The following TMEM120B variants were observed in gnomAD, a reference collection of about 807,000 sequenced individuals.
The protein encoded by TMEM120B is transmembrane protein 120B.
A neutral mutation model predicts 55.5 loss-of-function variants in TMEM120B; 31 were observed. The observed-to-expected ratio is 0.56, with a 90% confidence interval of 0.42 to 0.75. The LOEUF is 0.75. TMEM120B is among the 30% of genes least tolerant of loss of function. The probability of loss-of-function intolerance (pLI) is 0.00; values close to 1 mark genes in which losing one functional copy is unlikely to be tolerated. For synonymous variants in TMEM120B, 203 were observed against 176.3 expected (o/e 1.15, Z -1.20); for missense variants, 399 against 425.5 (o/e 0.94, Z 0.55).
At chr12:121,721,804 C>CTTTTTTTTTTTTTTTTT (rs56702857) in intron 1 of TMEM120B, among the ~76,000 whole-genome samples, 1 of 91,878 alleles carries the variant, frequency 1.1e-5, no homozygotes, top group Non-Finnish European at 2.0e-5. Context: ...ATCAGTTCTA[C>CTTTTTTTTTTTTTTTTT]TTTTTTTTTT....
chr12:121,735,403 AT>A (rs201578509), intron 1 of TMEM120B, among the ~76,000 whole-genome samples: 25,150 of 145,652 alleles, frequency 0.17, 2,117 homozygotes, highest in African/African-American at 0.19. Context: ...ATATTACCAG[AT>A]TTTTTTTTTT....
chr12:121,755,995 T>C (rs1460885355), intron 5 of TMEM120B, among the ~76,000 whole-genome samples: 1 of 151,776 alleles, frequency 6.6e-6, no homozygotes, highest in Non-Finnish European at 1.5e-5. Flanking sequence ...CCGACAGGGA[T>C]GTGGTAAGTG....
intron 1 of TMEM120B, among the ~76,000 whole-genome samples, chr12:121,731,180 A>G (rs1375432446): frequency 2.6e-5 from 4 of 152,188 alleles, no homozygotes; most frequent in African/African-American, 9.6e-5. Flanking sequence ...GTGTCTGTCA[A>G]AGACAGTGGT....
At chr12:121,759,720 G>A (rs538375911) in intron 5 of TMEM120B, among the ~76,000 whole-genome samples, 1 of 152,082 alleles carries the variant, frequency 6.6e-6, no homozygotes, top group African/African-American at 2.4e-5. Context: ...AAGCCACTGG[G>A]CGCAGTGGCT....
At chr12:121,756,318 C>T (rs189846914) in intron 5 of TMEM120B, among the ~76,000 whole-genome samples, 11 of 152,102 alleles carry the variant, frequency 7.2e-5, no homozygotes, top group African/African-American at 2.2e-4. Flanking sequence ...GGCAACATGG[C>T]GAAACCCCCT....
rs147173274 is a variant in TMEM120B at position 121,763,256 on chromosome 12, G to A, written c.551+1518G>A. 3.9e-3 allele frequency among the ~76,000 whole-genome samples: 556 copies of A among 143,768 alleles called. 7 individuals carry two copies. Among genetic ancestry groups the A allele is most frequent in the African/African-American group, 0.014 (529 of 38,126 alleles). 94.3% of individuals were successfully genotyped at this position (143,768 alleles called of 152,430 possible). On this transcript the variant is annotated intron_variant, in intron 6 of 11. Transcript: ENST00000449592. ...CGGCTCACTGCAACCTCCGCCTCCC[G>A]GGTTCACGCCATTCTCCTGCCTCAG...
intron 1 of TMEM120B, among the ~76,000 whole-genome samples, chr12:121,736,972 G>T (rs1895128927): frequency 6.6e-6 from 1 of 152,128 alleles, no homozygotes; most frequent in African/African-American, 2.4e-5. Flanking sequence ...TAGCATGGTT[G>T]CCTCAGGATA....
intron 1 of TMEM120B, among the ~76,000 whole-genome samples, chr12:121,727,963 A>T (rs1156814969): frequency 6.6e-6 from 1 of 151,952 alleles, no homozygotes. Flanking sequence ...TTTGCTCAGA[A>T]GGAAAGTTCT....
Position 121,750,444 on chromosome 12 carries a change from G to A in TMEM120B, c.365+5G>A, listed in dbSNP as rs772349036. Reference sequence around the variant, plus strand: ...CCTCCTCAGCAACCAGGCCAAGTAAGTGTCCCCCACCCACCACCCAGACCC... The same window carrying A: ...CCTCCTCAGCAACCAGGCCAAGTAAATGTCCCCCACCCACCACCCAGACCC... On this transcript the variant is annotated splice_donor_5th_base_variant and intron_variant, in intron 4 of 11. Coordinates refer to ENST00000449592, the MANE Select transcript of TMEM120B (RefSeq NM_001080825.2). The A allele has an allele frequency of 7.5e-6, 12 of 1,610,310 alleles. No individual in the cohort carries two copies. The East Asian group carries it at 2.5e-4, about 33-fold the overall frequency.
intron 1 of TMEM120B, among the ~76,000 whole-genome samples, chr12:121,727,482 G>T (rs919157053): frequency 6.7e-6 from 1 of 149,678 alleles, no homozygotes; most frequent in Admixed American, 6.8e-5. Flanking sequence ...GCTGTGGTGA[G>T]CTGTGATTGC....
At chr12:121,752,093 A>G in intron 4 of TMEM120B, 35 bp from the exon 5 acceptor site, 1 of 1,584,272 alleles carries the variant, frequency 6.3e-7, no homozygotes, top group South Asian at 1.1e-5. Flanking sequence ...TAGTCATGGT[A>G]AGGGGCACAC....
Position 121,780,687 on chromosome 12 carries a change from A to C in TMEM120B, c.*4965A>C. The C allele has an allele frequency of 1.5e-6, 1 of 665,972 alleles. No homozygotes were observed. The highest frequency in any genetic ancestry group is 2.5e-6 in the Non-Finnish European group (1 of 400,070). The allele number at this position is 665,972 out of a possible 1,614,324, so 41.3% of individuals were successfully genotyped here. A position where few individuals can be genotyped will look rare whatever the true frequency, so the allele number is the denominator to read the frequency against. ...CAGCGCCTGCCTCCGAGTCCTAAGGATTGGGAGTAGTCGTGTAAAGTGCTC... is the reference window on the plus strand; with the variant it reads ...CAGCGCCTGCCTCCGAGTCCTAAGGCTTGGGAGTAGTCGTGTAAAGTGCTC... On this transcript the variant is annotated 3_prime_UTR_variant, in exon 12 of 12. Transcript: ENST00000449592.
In TMEM120B at chr12:121,736,693, GCATGCACCAC is replaced by G. The variant is rs569977870; in HGVS notation, c.70-6933_70-6924del. ...GCCTCTGGAGTAGCTGGGATTATAG[GCATGCACCAC>G]CACACTAATTTTTGTAATTTTAGTA... On this transcript the variant is annotated intron_variant, in intron 1 of 11. Coordinates refer to ENST00000449592, the MANE Select transcript of TMEM120B (RefSeq NM_001080825.2). 6.6e-5 allele frequency among the ~76,000 whole-genome samples: 10 copies of G among 152,080 alleles called. No homozygotes were observed. The East Asian group carries it at 1.9e-3, about 30-fold the overall frequency.
rs150896657 is a variant in TMEM120B, at chr12:121,775,774, G to A, written c.*52G>A. ...GGACTTCAGACTGCAGGGGGCTCCC[G>A]GGCTCCTTCCCAGCAGCCCTCTCAG... is the stretch of plus-strand genomic sequence containing the variant. On this transcript the variant is annotated 3_prime_UTR_variant, in exon 12 of 12. Transcript: ENST00000449592. The surrounding 1 kb of genome is among the most constrained non-coding windows in gnomAD (Gnocchi z 4.3). 5.6e-5 allele frequency: 89 copies of A among 1,595,408 alleles called. No individual in the cohort carries two copies. The Middle Eastern group carries it at 6.6e-4, about 12-fold the overall frequency.
In TMEM120B at chr12:121,779,466, T is replaced by C. The variant is rs756587388; in HGVS notation, c.*3744T>C. 7 of 1,604,094 alleles carry C rather than the reference T, an allele frequency of 4.4e-6. No individual in the cohort carries two copies. Among genetic ancestry groups the C allele is most frequent in the Non-Finnish European group, 5.9e-6 (7 of 1,177,226 alleles). ...TCGGCACCTGGGCCCCCGGGCCCTG[T>C]CAGTGCTGTCGTGAGGTCTGTCTGC... On this transcript the variant is annotated 3_prime_UTR_variant, in exon 12 of 12. Transcript: ENST00000449592.
chr12:121,743,566 A>AG, intron 1 of TMEM120B, 63 bp from the exon 2 acceptor site: 2 of 1,315,574 alleles, frequency 1.5e-6, no homozygotes, highest in South Asian at 1.3e-5. Flanking sequence ...AAAAAAAAAA[A>AG]GAAAAGAAAA....
At chr12:121,770,033 A>G (rs1191716771) in intron 6 of TMEM120B, among the ~76,000 whole-genome samples, 3 of 152,168 alleles carry the variant, frequency 2.0e-5, no homozygotes, top group African/African-American at 4.8e-5. Context: ...ACGAGGAGCC[A>G]GGCACGTCAA....
At chr12:121,719,647 A>G (rs1894759426) in intron 1 of TMEM120B, among the ~76,000 whole-genome samples, 1 of 151,922 alleles carries the variant, frequency 6.6e-6, no homozygotes, top group African/African-American at 2.4e-5. Flanking sequence ...TAAATTGCTA[A>G]CGGGGGTAGT....
chr12:121,749,919 A>C (rs1291759952), intron 3 of TMEM120B, among the ~76,000 whole-genome samples: 1 of 151,596 alleles, frequency 6.6e-6, no homozygotes, highest in Non-Finnish European at 1.5e-5. Flanking sequence ...AAAAAAAAAA[A>C]ACAAAAAACA....
Sources: allele counts gnomAD v4.1 joint callset (sites outside exome capture counted in the v4.1 genomes callset), GRCh38; gene constraint gnomAD v4.1.1; non-coding constraint Gnocchi (gnomAD v3.1); transcripts MANE v1.5; gene names NCBI Gene and HGNC (gene_info 2026-07-23, HGNC 2026-07-21).